Variants in HNF4G observed in about 807,000 individuals in gnomAD.
HNF4G encodes hepatocyte nuclear factor 4 gamma.
A neutral mutation model predicts 50.9 loss-of-function variants in HNF4G; 21 were observed. The observed-to-expected ratio is 0.41, with a 90% CI of 0.29 to 0.59. The LOEUF is 0.59. Among genes scored for constraint, HNF4G ranks in the 20% least tolerant of loss-of-function variants. HNF4G has a pLI of 0.26. For missense variants in HNF4G, 527 were observed against 559.4 expected, an observed-to-expected ratio of 0.94 and a Z score of 0.58; for synonymous variants, 198 against 185.6, an observed-to-expected ratio of 1.07 and a Z score of -0.54.
intron 2 of HNF4G, among the ~76,000 whole-genome samples, chr8:75,516,289 A>G (rs1381637957): frequency 6.6e-6 from 1 of 152,082 alleles, no homozygotes; most frequent in Non-Finnish European, 1.5e-5. Context: ...TTTAGTTCAA[A>G]TATTTTTTTT....
In HNF4G at chr8:75,565,665, T is replaced by A. The variant is rs1389302711; in HGVS notation, c.*1569T>A. The A allele has an allele frequency of 6.6e-6, 1 of 152,160 alleles. No homozygotes were observed. Among genetic ancestry groups the A allele is most frequent in the East Asian group, 1.9e-4 (1 of 5,190 alleles). The allele number at this position is 152,160 out of a possible 1,614,324, so 9.4% of individuals were successfully genotyped here. On this transcript the variant is annotated 3_prime_UTR_variant, in exon 10 of 10. Coordinates refer to ENST00000396423, the MANE Select transcript of HNF4G (RefSeq NM_004133.5). ...GTCGAGTAATTATCAATAATTTTTT[T>A]TAAAAAGAGGATCCCAAACTGTAAA...
chr8:75,477,979 AAG>A (rs1306010328), intron 1 of HNF4G, among the ~76,000 whole-genome samples: 1 of 150,494 alleles, frequency 6.6e-6, no homozygotes, highest in Non-Finnish European at 1.5e-5. Flanking sequence ...AAAAAGAAAA[AAG>A]AAAAAAAATT....
chr8:75,443,137 G>C (rs2130552401), intron 1 of HNF4G, among the ~76,000 whole-genome samples: 1 of 152,258 alleles, frequency 6.6e-6, no homozygotes, highest in Non-Finnish European at 1.5e-5. Flanking sequence ...TACCATGTGA[G>C]GGAACAGGAG....
chr8:75,515,144 C>T (rs1805856662), intron 2 of HNF4G, among the ~76,000 whole-genome samples: 1 of 152,074 alleles, frequency 6.6e-6, no homozygotes, highest in Non-Finnish European at 1.5e-5. Context: ...AGTTAAGCAC[C>T]CAGAATTCAG....
chr8:75,484,528 T>C lies in HNF4G; in HGVS notation c.-143-5561T>C, dbSNP rs148276888. On this transcript the variant is annotated intron_variant, in intron 1 of 10. Transcript: ENST00000354370. Reference sequence around the variant, plus strand: ...TCAGGTTCCAGCTTAAGTGTTTCTTTCTCAGGAAAGCCTTTGCTGATCTGC... The same window carrying C: ...TCAGGTTCCAGCTTAAGTGTTTCTTCCTCAGGAAAGCCTTTGCTGATCTGC... Among the ~76,000 whole-genome samples the C allele has an allele frequency of 3.9e-3, 593 of 152,358 alleles. 1 individual carries two copies. Among genetic ancestry groups the C allele is most frequent in the African/African-American group, 0.013 (557 of 41,590 alleles).
chr8:75,451,167 C>A (rs193247876), intron 1 of HNF4G, among the ~76,000 whole-genome samples: 1 of 151,978 alleles, frequency 6.6e-6, no homozygotes, highest in African/African-American at 2.4e-5. Flanking sequence ...GTCCTTCGCC[C>A]ATTTTGGGGG....
intron 8 of HNF4G, among the ~76,000 whole-genome samples, chr8:75,559,285 T>G (rs74356498): frequency 6.7e-6 from 1 of 149,800 alleles, no homozygotes; most frequent in Admixed American, 6.6e-5. Flanking sequence ...TTGTTTTTTT[T>G]TTTTTTTAAG....
intron 1 of HNF4G, among the ~76,000 whole-genome samples, chr8:75,414,578 T>C (rs952223452): frequency 6.6e-6 from 1 of 152,166 alleles, no homozygotes; most frequent in African/African-American, 2.4e-5. Context: ...AAAGCAACCA[T>C]TGATCTACTT....
rs907061226 is a variant in HNF4G at position 75,558,802 on chromosome 8, T to C, written c.888T>C (p.Asp296=). ...CLKAIVFFDP[D]AKGLSDPVKI... is the part of the protein sequence containing the mutation. ...CTGCCTCTCTTATTCCTTTGTTAGA[T>C]GCAAAAGGGCTAAGCGATCCAGTAA... The change falls in exon 8 of 10, where the codon GAT becomes GAC. Residue 296 remains aspartate (D), a splice_region_variant and synonymous_variant. Transcript: ENST00000396423. The C allele has an allele frequency of 6.2e-7, 1 of 1,613,288 alleles. No individual in the cohort carries two copies. Among genetic ancestry groups the C allele is most frequent in the African/African-American group, 1.3e-5 (1 of 75,000 alleles).
intron 2 of HNF4G, among the ~76,000 whole-genome samples, chr8:75,511,610 G>T (rs1308163057): frequency 1.3e-5 from 2 of 152,014 alleles, no homozygotes; most frequent in African/African-American, 2.4e-5. Flanking sequence ...TATTTTTTTT[G>T]AGACGAAGTC....
chr8:75,530,885 T>A (rs1806309582), intron 2 of HNF4G, among the ~76,000 whole-genome samples: 1 of 150,958 alleles, frequency 6.6e-6, no homozygotes. Flanking sequence ...CTCTGCCTCC[T>A]GGGTTCGAGT....
rs2130723566 is a variant in HNF4G at position 75,510,049 on chromosome 8, T to A, written c.-24+19841T>A. Among the ~76,000 whole-genome samples the A allele has an allele frequency of 2.0e-5, 3 of 152,262 alleles. No homozygotes were observed. The Middle Eastern group carries it at 0.01, about 518-fold the overall frequency. ...ATAGGTGATGGCAGCTCCATGCATG[T>A]TTTTGTCCCTGAAAACCTTCCAATG... is the stretch of plus-strand genomic sequence containing the variant. On this transcript the variant is annotated intron_variant, in intron 2 of 10. Transcript: ENST00000354370.
At chr8:75,449,719 G>A (rs540019342) in intron 1 of HNF4G, among the ~76,000 whole-genome samples, 35 of 151,866 alleles carry the variant, frequency 2.3e-4, no homozygotes, top group African/African-American at 5.8e-4. Flanking sequence ...GTGTTAGCCC[G>A]GATGGTCTCG....
intron 1 of HNF4G, among the ~76,000 whole-genome samples, chr8:75,480,360 T>A (rs1390339469): frequency 6.6e-6 from 1 of 152,230 alleles, no homozygotes; most frequent in African/African-American, 2.4e-5. Flanking sequence ...CCAGGCTGAA[T>A]CCTGTAGCAT....
Position 75,551,378 on chromosome 8 carries a change from T to C in HNF4G, c.383-10T>C, listed in dbSNP as rs11998385. ...AAGTGCTCAATAAATACTGTGTTTTTTCCCCCTAGCTGTACAAAATGAACG... is the reference window on the plus strand; with the variant it reads ...AAGTGCTCAATAAATACTGTGTTTTCTCCCCCTAGCTGTACAAAATGAACG... On this transcript the variant is annotated splice_polypyrimidine_tract_variant and intron_variant, in intron 3 of 9. Transcript: ENST00000396423. 5,139 of 1,544,004 alleles carry C rather than the reference T, an allele frequency of 3.3e-3. 102 individuals are homozygous for C. The African/African-American group carries it at 0.047, about 14-fold the overall frequency.
At chr8:75,456,714 T>G (rs1033511656) in intron 1 of HNF4G, among the ~76,000 whole-genome samples, 30 of 151,508 alleles carry the variant, frequency 2.0e-4, no homozygotes, top group Non-Finnish European at 3.4e-4. Flanking sequence ...GAATATTTTA[T>G]TTATTTAATT....
chr8:75,412,601 C>T (rs1021866699), intron 1 of HNF4G, among the ~76,000 whole-genome samples: 1 of 152,036 alleles, frequency 6.6e-6, no homozygotes, highest in African/African-American at 2.4e-5. Context: ...ATGATAACAC[C>T]TGGATCTGAC....
chr8:75,510,131 C>G (rs1419068308), intron 2 of HNF4G, among the ~76,000 whole-genome samples: 1 of 151,326 alleles, frequency 6.6e-6, no homozygotes, highest in Admixed American at 6.6e-5. Context: ...CTGTGTAGGC[C>G]TAGACTAAGG....
rs1170900647 is a variant in HNF4G at position 75,444,076 on chromosome 8, T to C, written c.-144+35914T>C. ...GGAAGCCCATCAGACTAACAGCAGA[T>C]CTCTCAGCAGAAACCCTACAAGCCA... On this transcript the variant is annotated intron_variant, in intron 1 of 10. Coordinates refer to the HNF4G transcript ENST00000354370. Among the ~76,000 whole-genome samples the C allele has an allele frequency of 5.9e-5, 9 of 152,110 alleles. No individual in the cohort carries two copies. In the South Asian group the frequency reaches 6.2e-4, roughly 11 times the overall value.
Sources: gnomAD v4.1 joint callset for allele counts (sites outside exome capture counted in the v4.1 genomes callset) on GRCh38, gnomAD v4.1.1 for gene constraint, MANE v1.5 for transcripts, NCBI Gene and HGNC (gene_info 2026-07-23, HGNC 2026-07-21) for gene names.